Variants in PLCG2 observed in about 807,000 individuals in gnomAD.
The protein encoded by PLCG2 is 1-phosphatidylinositol 4,5-bisphosphate phosphodiesterase gamma-2.
In PLCG2, 69 loss-of-function variants were observed where a neutral mutation model predicts 175.6. The observed-to-expected ratio is 0.39, with a 90% CI of 0.32 to 0.48. The LOEUF (loss-of-function observed/expected upper bound fraction) is 0.48, where lower values mean the gene tolerates loss of function less well. Ranked by LOEUF, PLCG2 falls within the 20% of genes least tolerant of loss-of-function variation. The pLI, the probability that PLCG2 is intolerant of heterozygous loss-of-function variation, is 0.91. For synonymous variants in PLCG2, 827 were observed against 624.0 expected (o/e 1.33, Z -4.85); for missense variants, 1,798 against 1,650.9 (o/e 1.09, Z -1.54).
intron 29 of PLCG2, among the ~76,000 whole-genome samples, 184 bp downstream of exon 29, chr16:81,939,099 TAG>T (rs1459271832): frequency 2.6e-5 from 4 of 152,126 alleles, no homozygotes; most frequent in Non-Finnish European, 5.9e-5. Flanking sequence ...CTGAAATCCT[TAG>T]ACTTTCCCCA....
chr16:81,777,933 C>T (rs971939275), upstream of PLCG2, among the ~76,000 whole-genome samples: 24 of 148,056 alleles, frequency 1.6e-4, no homozygotes, highest in East Asian at 4.3e-3. Flanking sequence ...AGGAGAATCG[C>T]TTAAACCTGG....
intron 2 of PLCG2, chr16:81,767,429 A>C (rs1910175572): frequency 6.6e-6 from 1 of 152,022 alleles, no homozygotes. Flanking sequence ...ACAGGCGTGA[A>C]CCACTGTGCC....
intron 2 of PLCG2, among the ~76,000 whole-genome samples, chr16:81,765,894 A>C (rs968576573): frequency 6.6e-6 from 1 of 152,142 alleles, no homozygotes; most frequent in African/African-American, 2.4e-5. Context: ...CATACTAGGA[A>C]AGGGCCCTGG....
At chr16:81,750,813 G>A (rs1293583280) in intron 1 of PLCG2, among the ~76,000 whole-genome samples, 3 of 150,344 alleles carry the variant, frequency 2.0e-5, no homozygotes, top group African/African-American at 4.9e-5. Flanking sequence ...GACTACAGGC[G>A]CCTGCCACCA....
chr16:81,812,257 G>T (rs1229894034), intron 2 of PLCG2, among the ~76,000 whole-genome samples: 1 of 151,894 alleles, frequency 6.6e-6, no homozygotes, highest in Non-Finnish European at 1.5e-5. Flanking sequence ...CACCGTGTTA[G>T]CCAGGATGGT....
chr16:81,905,488 T>C lies in PLCG2; in HGVS notation c.1448T>C (p.Met483Thr). Reference protein sequence around the residue: ...DEHKQQGELYMWDSIDQKWTR... With the variant: ...DEHKQQGELYTWDSIDQKWTR... ...CACAAGCAACAGGGGGAGCTGTACA[T>C]GTGGGATTCCATTGACCAGGTGGGC... Residue 483 changes from methionine to threonine, a missense_variant, in exon 15 of 33, where the codon ATG (methionine) becomes ACG (threonine). Physicochemically the swap from Met to Thr is moderately conservative, Grantham distance 81. Transcript: ENST00000564138. 1 of 1,613,928 alleles carries C rather than the reference T, an allele frequency of 6.2e-7. No homozygotes were observed. The highest frequency in any genetic ancestry group is 1.1e-5 in the South Asian group (1 of 91,076).
intron 2 of PLCG2, among the ~76,000 whole-genome samples, chr16:81,796,526 G>A (rs1013603555): frequency 2.0e-5 from 3 of 152,178 alleles, no homozygotes; most frequent in Admixed American, 1.3e-4. Context: ...TGCCTGTTAC[G>A]GATTGAATTG....
chr16:81,828,887 T>C (rs1905148502), intron 2 of PLCG2, among the ~76,000 whole-genome samples: 1 of 152,126 alleles, frequency 6.6e-6, no homozygotes, highest in East Asian at 1.9e-4. Flanking sequence ...GGATCATGAG[T>C]TCAGGAGATA....
intron 2 of PLCG2, among the ~76,000 whole-genome samples, chr16:81,802,538 A>G (rs751351357): frequency 8.5e-5 from 13 of 152,096 alleles, no homozygotes; most frequent in Non-Finnish European, 1.3e-4. Context: ...CCTTCTCTTG[A>G]TGAGGAACCT....
At chr16:81,776,333 T>C (rs1910405745), upstream of PLCG2, among the ~76,000 whole-genome samples, 1 of 151,742 alleles carries the variant, frequency 6.6e-6, no homozygotes, top group Non-Finnish European at 1.5e-5. Flanking sequence ...ATGGTCTTGA[T>C]CTTCCAACCT....
chr16:81,936,503 C>A, intron 27 of PLCG2, 125 bp downstream of exon 27: 1 of 739,122 alleles, frequency 1.4e-6, no homozygotes, highest in Non-Finnish European at 2.3e-6. Context: ...CGAGGGACTG[C>A]ACGGTTCAGC....
chr16:81,936,688 TC>T (rs1437632676), intron 27 of PLCG2, among the ~76,000 whole-genome samples: 2 of 152,248 alleles, frequency 1.3e-5, no homozygotes, highest in Non-Finnish European at 2.9e-5. Flanking sequence ...AGTTCTCTTC[TC>T]CAGGCCTGTT....
At chr16:81,936,476 A>T (rs1220307556) in intron 27 of PLCG2, 98 bp downstream of exon 27, 1 of 923,512 alleles carries the variant, frequency 1.1e-6, no homozygotes, top group Admixed American at 1.8e-5. Flanking sequence ...GTGGTGTCCA[A>T]GAATGAGTGA....
Position 81,938,841 on chromosome 16 carries a change from T to A in PLCG2, c.3239T>A (p.Ile1080Asn), listed in dbSNP as rs747179742. The A allele has an allele frequency of 2.7e-5, 44 of 1,613,620 alleles. No individual in the cohort carries two copies. Among genetic ancestry groups the A allele is most frequent in the Non-Finnish European group, 3.5e-5 (41 of 1,179,830 alleles). Reference protein sequence around the residue: ...ARHLPKLGRSIACPFVEVEIC... With the variant: ...ARHLPKLGRSNACPFVEVEIC... ...CATCTCCCCAAACTTGGACGAAGTA[T>A]TGCCTGTCCCTTTGTAGAAGTGGAG... The change falls in exon 29 of 33, where the codon ATT becomes AAT. Residue 1080 changes from isoleucine (I) to asparagine (N), a missense_variant. Transcript: ENST00000564138.
At chr16:81,821,690 G>C (rs1019817881) in intron 2 of PLCG2, among the ~76,000 whole-genome samples, 1 of 152,106 alleles carries the variant, frequency 6.6e-6, no homozygotes, top group Non-Finnish European at 1.5e-5. Context: ...TATAAGCAGC[G>C]GGTGGTGAAC....
At position 81,927,142 on chromosome 16, in the gene PLCG2, C is replaced by T. The variant is rs774618541; in HGVS notation, c.2478C>T (p.Asp826=). The T allele has an allele frequency of 2.2e-5, 35 of 1,613,582 alleles. No homozygotes were observed. The East Asian group carries it at 4.2e-4, about 20-fold the overall frequency. ...QQYFPSNYVE[D]ISTADFEELE... ...ACTTCCCATCCAACTACGTCGAGGA[C>T]ATCTCAACTGCAGACTTCGAGGAGC... The change falls in exon 23 of 33, where the codon GAC becomes GAT. Residue 826 remains aspartate (D), a synonymous_variant. Coordinates refer to ENST00000564138, the MANE Select transcript of PLCG2 (RefSeq NM_002661.5).
intron 9 of PLCG2, 25 bp from the exon 10 acceptor site, chr16:81,889,147 C>G (rs374555323): frequency 7.1e-7 from 1 of 1,403,450 alleles, no homozygotes; most frequent in African/African-American, 1.4e-5. Context: ...CTTTGCTGAT[C>G]TCTCGTTCTC....
In PLCG2 at chr16:81,948,349, A is replaced by AATAGTCATCATCTTCC. The variant is rs539724973; in HGVS notation, c.3570+2089_3570+2104dup. 5.6e-3 allele frequency among the ~76,000 whole-genome samples: 853 copies of AATAGTCATCATCTTCC among 152,304 alleles called. 7 individuals are homozygous for AATAGTCATCATCTTCC. Among genetic ancestry groups the AATAGTCATCATCTTCC allele is most frequent in the South Asian group, 8.3e-3 (40 of 4,832 alleles). On this transcript the variant is annotated intron_variant, in intron 31 of 32. Transcript: ENST00000564138. ...GGACTGGGGAAAATAGGAAAGCTTA[A>AATAGTCATCATCTTCC]ATAGTCATCATCTTCCATGGGCAAA...
In PLCG2 at chr16:81,922,379, A is replaced by G. The variant is rs568210099; in HGVS notation, c.2308-1106A>G. Among the ~76,000 whole-genome samples the G allele has an allele frequency of 5.1e-4, 77 of 152,278 alleles. No individual in the cohort carries two copies. In the South Asian group the frequency reaches 0.016, roughly 32 times the overall value. ...GCAAAATGGGCATACTCATATAACT[A>G]CTTACCTGTTATGGTTGCTTAAGGA... On this transcript the variant is annotated intron_variant, in intron 21 of 32. Coordinates refer to ENST00000564138, the MANE Select transcript of PLCG2 (RefSeq NM_002661.5).
Sources: gnomAD v4.1 joint callset for allele counts (sites outside exome capture counted in the v4.1 genomes callset) on GRCh38, gnomAD v4.1.1 for gene constraint, MANE v1.5 for transcripts, NCBI Gene and HGNC (gene_info 2026-07-23, HGNC 2026-07-21) for gene names.